The following MAP3K15 variants were observed in gnomAD, a reference collection of about 807,000 sequenced individuals.
MAP3K15 encodes mitogen-activated protein kinase kinase kinase 15, also known as MAPK/ERK kinase kinase 15.
In MAP3K15, 124 loss-of-function variants were observed where a neutral mutation model predicts 99.5. The ratio of observed to expected loss-of-function variants is 1.25; its 90% CI spans 1.08 to 1.45. The LOEUF is 1.45. MAP3K15 is among the 40% of genes most tolerant of loss of function. The probability of loss-of-function intolerance (pLI) is 0.00; values close to 1 mark genes in which losing one functional copy is unlikely to be tolerated. For synonymous variants in MAP3K15, 494 were observed against 439.6 expected, an observed-to-expected ratio of 1.12 and a Z score of -1.55; for missense variants, 1,242 against 1,079.7, an observed-to-expected ratio of 1.15 and a Z score of -2.11.
rs111411089 is a variant in MAP3K15 at position 19,451,037 on chromosome X, G to A, written c.995+5876C>T. 3.6e-4 allele frequency among the ~76,000 whole-genome samples: 39 copies of A among 109,216 alleles called. 1 individual carries two copies. Among genetic ancestry groups the A allele is most frequent in the African/African-American group, 1.2e-3 (38 of 30,649 alleles). The allele number at this position is 109,216 out of a possible 115,157, so 94.8% of individuals were successfully genotyped here. A position where few individuals can be genotyped will look rare whatever the true frequency, so the allele number is the denominator to read the frequency against. On this transcript the variant is annotated intron_variant, in intron 6 of 28. Coordinates refer to ENST00000338883, the MANE Select transcript of MAP3K15 (RefSeq NM_001001671.4). ...GCAGTGGCTCACGCCTGTAACCCTGGCACTTTGGGAAGCCGAGGCAGGTGG... is the reference window on the plus strand; with the variant it reads ...GCAGTGGCTCACGCCTGTAACCCTGACACTTTGGGAAGCCGAGGCAGGTGG...
At chrX:19,457,550 T>C (rs12009387) in intron 5 of MAP3K15, among the ~76,000 whole-genome samples, 11,910 of 111,300 alleles carry the variant, frequency 0.11, 1,218 homozygotes, top group African/African-American at 0.32. Flanking sequence ...AGGCGGAGGT[T>C]GCAGTGAGCC....
intron 13 of MAP3K15, among the ~76,000 whole-genome samples, chrX:19,404,412 T>G (rs1455096265): frequency 8.9e-6 from 1 of 112,077 alleles, no homozygotes. Flanking sequence ...ATGGTTAATA[T>G]GGCAATGCTC....
chrX:19,407,363 T>G (rs1001271903), intron 12 of MAP3K15, 80 bp from the exon 13 acceptor site: 2 of 524,057 alleles, frequency 3.8e-6, no homozygotes, highest in Non-Finnish European at 5.9e-6. Context: ...TTTCTTCTAT[T>G]TTATCAATTC....
intron 6 of MAP3K15, among the ~76,000 whole-genome samples, chrX:19,452,255 G>A (rs1181123941): frequency 5.5e-3 from 1 of 182 alleles, no homozygotes; most frequent in African/African-American, 0.071. Flanking sequence ...GAAGAGAAGA[G>A]AAGAGAAGAG....
At chrX:19,370,168 AAG>A (rs2063364410) in intron 24 of MAP3K15, among the ~76,000 whole-genome samples, 4 of 111,629 alleles carry the variant, frequency 3.6e-5, no homozygotes, top group African/African-American at 1.3e-4. Context: ...TAGCAGGAAG[AAG>A]TCACCAGAGA....
intron 1 of MAP3K15, among the ~76,000 whole-genome samples, chrX:19,495,312 T>C (rs899970794): frequency 1.8e-5 from 2 of 111,984 alleles, no homozygotes; most frequent in Admixed American, 1.9e-4. Context: ...GCACCCAGCT[T>C]GAAGTGTCAC....
intron 3 of MAP3K15, among the ~76,000 whole-genome samples, chrX:19,466,995 C>T (rs1349890713): frequency 9.0e-6 from 1 of 111,033 alleles, no homozygotes; most frequent in Non-Finnish European, 1.9e-5. Context: ...GAGATTTACA[C>T]ACAAACTTTT....
At chrX:19,446,493 T>G (rs188559648) in intron 6 of MAP3K15, among the ~76,000 whole-genome samples, 2 of 111,155 alleles carry the variant, frequency 1.8e-5, no homozygotes, top group Non-Finnish European at 3.8e-5. Context: ...GCCATGCAGA[T>G]AGTGGTGGAG....
At chrX:19,398,981 C>G (rs945085231) in intron 14 of MAP3K15, among the ~76,000 whole-genome samples, 8 of 112,334 alleles carry the variant, frequency 7.1e-5, no homozygotes, top group African/African-American at 2.6e-4. Context: ...TGACTGTACG[C>G]TGAGCAACAC....
rs112300402 is a variant in MAP3K15, at chrX:19,508,981, C to T, written c.361+5920G>A. Among the ~76,000 whole-genome samples, 356 of 111,835 alleles carry T rather than the reference C, an allele frequency of 3.2e-3. 1 individual carries two copies. Among genetic ancestry groups the T allele is most frequent in the African/African-American group, 0.011 (335 of 30,842 alleles). ...GACATGCCCTGCCCCTCTCAGCCCACGGTACTTTCCTTTTCCAACAGCATC... is the reference window on the plus strand; with the variant it reads ...GACATGCCCTGCCCCTCTCAGCCCATGGTACTTTCCTTTTCCAACAGCATC... On this transcript the variant is annotated intron_variant, in intron 1 of 28. Coordinates refer to ENST00000338883, the MANE Select transcript of MAP3K15 (RefSeq NM_001001671.4).
chrX:19,360,117 T>C lies in MAP3K15; in HGVS notation c.*632A>G, dbSNP rs939689528. ...ACAGTTCCATTTTAAAATAAGACTT[T>C]TGTAATCATTCCAATTTTGTAATCA... On this transcript the variant is annotated 3_prime_UTR_variant, in exon 29 of 29. Transcript: ENST00000338883. 1.3e-5 allele frequency: 2 copies of C among 154,906 alleles called. No individual in the cohort carries two copies. The highest frequency in any genetic ancestry group is 2.5e-5 in the Non-Finnish European group (2 of 80,795). The allele number at this position is 154,906 out of a possible 1,213,427, so 12.8% of individuals were successfully genotyped here. A position where few individuals can be genotyped will look rare whatever the true frequency, so the allele number is the denominator to read the frequency against.
In MAP3K15 at chrX:19,426,818, C is replaced by CAAAA. The variant is rs746106862; in HGVS notation, c.1167-479_1167-476dup. On this transcript the variant is annotated intron_variant, in intron 7 of 28. Coordinates refer to ENST00000338883, the MANE Select transcript of MAP3K15 (RefSeq NM_001001671.4). ...GGGTGACAGAGCGAGAATCTGTCTC[C>CAAAA]AAAAAAAAAAAAAAAAAAAAAAAAA... Among the ~76,000 whole-genome samples, 44 of 21,143 alleles carry CAAAA rather than the reference C, an allele frequency of 2.1e-3. 7 individuals are homozygous for CAAAA. The highest frequency in any genetic ancestry group is 8.7e-3 in the African/African-American group (42 of 4,829). 18.4% of individuals were successfully genotyped at this position (21,143 alleles called of 115,157 possible).
intron 25 of MAP3K15, 36 bp from the exon 26 acceptor site, chrX:19,362,886 G>A (rs1166875976): frequency 5.0e-6 from 4 of 795,948 alleles, no homozygotes; most frequent in Non-Finnish European, 7.4e-6. Flanking sequence ...CCATTATCCA[G>A]AGAGCATTCA....
intron 1 of MAP3K15, among the ~76,000 whole-genome samples, chrX:19,500,536 C>T (rs1231352582): frequency 9.0e-6 from 1 of 110,931 alleles, no homozygotes; most frequent in East Asian, 2.8e-4. Flanking sequence ...CTACTTCCTG[C>T]CAGGACTCAC....
At chrX:19,445,958 A>AATC (rs2063995177) in intron 6 of MAP3K15, among the ~76,000 whole-genome samples, 3 of 106,597 alleles carry the variant, frequency 2.8e-5, no homozygotes, top group African/African-American at 1.0e-4. Flanking sequence ...AAAAATCAAT[A>AATC]AATAAATAAA....
At chrX:19,486,803 C>T (rs2064329349) in intron 2 of MAP3K15, among the ~76,000 whole-genome samples, 1 of 111,368 alleles carries the variant, frequency 9.0e-6, no homozygotes, top group African/African-American at 3.3e-5. Flanking sequence ...AATGCTTTTG[C>T]CCAAAAGATA....
At position 19,373,626 on chromosome X, in the gene MAP3K15, T is replaced by A. The variant is rs1259870560; in HGVS notation, c.2843A>T (p.His948Leu). The change falls in exon 21 of 29, where the codon CAC becomes CTC. Residue 948 changes from histidine to leucine, a missense_variant. Transcript: ENST00000338883. ...GTCGGAGTCTGGGGAGACAGAGCCGTGCTCGCTGCTGCTGGTGGCCATGGG... is the reference window on the plus strand; with the variant it reads ...GTCGGAGTCTGGGGAGACAGAGCCGAGCTCGCTGCTGCTGGTGGCCATGGG... ...GEPMATSSSE[H>L]GSVSPDSDAQ... is the part of the protein sequence containing the mutation. The A allele has an allele frequency of 8.4e-7, 1 of 1,196,764 alleles. No homozygotes were observed.
intron 6 of MAP3K15, among the ~76,000 whole-genome samples, chrX:19,441,063 C>A (rs1232540307): frequency 1.8e-5 from 2 of 111,730 alleles, no homozygotes; most frequent in Non-Finnish European, 3.8e-5. Context: ...GAATATTAAG[C>A]CAAAAAAAGG....
chrX:19,461,332 T>C (rs375092569), intron 4 of MAP3K15, among the ~76,000 whole-genome samples: 4 of 111,561 alleles, frequency 3.6e-5, no homozygotes, highest in South Asian at 7.6e-4. Flanking sequence ...TGGACTCAAG[T>C]GATCCACCTG....
Sources: gnomAD v4.1 joint callset for allele counts (sites outside exome capture counted in the v4.1 genomes callset) on GRCh38, gnomAD v4.1.1 for gene constraint, MANE v1.5 for transcripts, NCBI Gene and HGNC (gene_info 2026-07-23, HGNC 2026-07-21) for gene names.